The following LRMDA variants were observed in gnomAD, a reference collection of about 807,000 sequenced individuals.
LRMDA encodes leucine-rich melanocyte differentiation-associated protein.
A neutral mutation model predicts 29.8 loss-of-function variants in LRMDA; 18 were observed. The observed-to-expected ratio is 0.60, with a 90% CI of 0.42 to 0.90. The LOEUF (loss-of-function observed/expected upper bound fraction) is 0.90, where lower values mean the gene tolerates loss of function less well. LRMDA is among the 40% of genes least tolerant of loss of function. LRMDA has a pLI of 0.00. For synonymous variants in LRMDA, 125 were observed against 109.4 expected, an observed-to-expected ratio of 1.14 and a Z score of -0.89; for missense variants, 273 against 273.9, an observed-to-expected ratio of 1.00 and a Z score of 0.02.
chr10:75,757,701 A>G (rs888338105), intron 2 of LRMDA, among the ~76,000 whole-genome samples: 6 of 152,194 alleles, frequency 3.9e-5, no homozygotes, highest in African/African-American at 1.4e-4. Context: ...CTGAGACACA[A>G]TAAGTGCTCA....
At chr10:76,345,643 C>G (rs1350657360) in intron 6 of LRMDA, among the ~76,000 whole-genome samples, 1 of 151,736 alleles carries the variant, frequency 6.6e-6, no homozygotes, top group Non-Finnish European at 1.5e-5. Flanking sequence ...GATGGGAAAC[C>G]TAGGCATGGA....
intron 5 of LRMDA, among the ~76,000 whole-genome samples, chr10:76,212,074 G>T (rs550803222): frequency 6.6e-6 from 1 of 152,250 alleles, no homozygotes; most frequent in South Asian, 2.1e-4. Flanking sequence ...CAGCATCACA[G>T]AATCTTATAG....
chr10:75,671,914 GTAAATGGTTTTT>G (rs796647261), intron 2 of LRMDA, among the ~76,000 whole-genome samples: 7 of 152,228 alleles, frequency 4.6e-5, no homozygotes, highest in African/African-American at 1.7e-4. Flanking sequence ...AGTTTAAAAG[GTAAATGGTTTTT>G]TAAACAGGAT....
intron 4 of LRMDA, among the ~76,000 whole-genome samples, chr10:76,049,980 T>C (rs1158830418): frequency 1.3e-5 from 2 of 152,248 alleles, no homozygotes; most frequent in African/African-American, 4.8e-5. Context: ...TAAGCAATAC[T>C]AGGAGCCTTA....
intron 5 of LRMDA, among the ~76,000 whole-genome samples, chr10:76,155,111 C>A (rs1850514419): frequency 1.3e-5 from 2 of 152,132 alleles, no homozygotes; most frequent in African/African-American, 4.8e-5. Context: ...GAACAACCAG[C>A]AGTCTCTGCT....
intron 2 of LRMDA, among the ~76,000 whole-genome samples, chr10:75,544,659 C>T (rs1840055868): frequency 6.6e-6 from 1 of 151,696 alleles, no homozygotes; most frequent in African/African-American, 2.4e-5. Context: ...TAATGTTATT[C>T]TTTTTTTGTG....
intron 6 of LRMDA, among the ~76,000 whole-genome samples, chr10:76,371,062 A>G (rs1334164726): frequency 6.6e-6 from 1 of 152,248 alleles, no homozygotes; most frequent in Non-Finnish European, 1.5e-5. Flanking sequence ...CGCACATTCC[A>G]AGATGAGATG....
At chr10:75,566,955 T>A (rs945851939) in intron 2 of LRMDA, among the ~76,000 whole-genome samples, 1 of 152,206 alleles carries the variant, frequency 6.6e-6, no homozygotes, top group African/African-American at 2.4e-5. Context: ...GTCAGTGACT[T>A]CCCCTTCCCT....
At chr10:76,031,678 C>T (rs534897872) in intron 2 of LRMDA, among the ~76,000 whole-genome samples, 1 of 152,268 alleles carries the variant, frequency 6.6e-6, no homozygotes, top group African/African-American at 2.4e-5. Context: ...TAGTAGACAT[C>T]AGACCCAGGT....
intron 6 of LRMDA, among the ~76,000 whole-genome samples, 164 bp downstream of exon 6, chr10:76,324,649 A>G (rs1040936): frequency 0.15 from 22,505 of 152,144 alleles, 2,889 homozygotes; most frequent in African/African-American, 0.34. Context: ...ATTTTAACCC[A>G]TATTAAACAG....
At chr10:75,984,265 G>A (rs1158807286) in intron 2 of LRMDA, among the ~76,000 whole-genome samples, 1 of 152,222 alleles carries the variant, frequency 6.6e-6, no homozygotes, top group Admixed American at 6.5e-5. Flanking sequence ...GAATTCTTGG[G>A]GATCTGTGCC....
intron 5 of LRMDA, among the ~76,000 whole-genome samples, chr10:76,107,860 A>C (rs1435356055): frequency 6.6e-6 from 1 of 152,144 alleles, no homozygotes; most frequent in African/African-American, 2.4e-5. Flanking sequence ...GCACCCATCA[A>C]CCCATCATCT....
chr10:76,291,797 G>C (rs1397442386), intron 5 of LRMDA, among the ~76,000 whole-genome samples: 2 of 151,702 alleles, frequency 1.3e-5, no homozygotes, highest in African/African-American at 4.8e-5. Flanking sequence ...CTACTTTTTA[G>C]TTTTCTATCT....
chr10:75,501,184 T>G (rs1313071222), intron 2 of LRMDA, among the ~76,000 whole-genome samples: 1 of 152,192 alleles, frequency 6.6e-6, no homozygotes, highest in African/African-American at 2.4e-5. Flanking sequence ...TTCCCACCTA[T>G]TACCCCAGTA....
chr10:76,133,530 G>C lies in LRMDA; in HGVS notation c.516+74747G>C, dbSNP rs116707497. Reference sequence around the variant, plus strand: ...CCGGGTGCAGGTAGGGTCAGCAAACGCCAGACCACTCCCCAATGTGTGGAG... The same window carrying C: ...CCGGGTGCAGGTAGGGTCAGCAAACCCCAGACCACTCCCCAATGTGTGGAG... On this transcript the variant is annotated intron_variant, in intron 5 of 6. Coordinates refer to ENST00000611255, the MANE Select transcript of LRMDA (RefSeq NM_001305581.2). Among the ~76,000 whole-genome samples, 87 of 152,200 alleles carry C rather than the reference G, an allele frequency of 5.7e-4. 1 individual carries two copies. The highest frequency in any genetic ancestry group is 2.1e-3 in the African/African-American group (87 of 41,536).
intron 2 of LRMDA, among the ~76,000 whole-genome samples, chr10:75,694,357 C>A (rs182724230): frequency 6.6e-6 from 1 of 152,292 alleles, no homozygotes; most frequent in East Asian, 1.9e-4. Context: ...TATATGGAGT[C>A]ATTTGTCCTA....
chr10:75,998,755 T>A (rs770872749), intron 2 of LRMDA, among the ~76,000 whole-genome samples: 1 of 152,208 alleles, frequency 6.6e-6, no homozygotes, highest in East Asian at 1.9e-4. Flanking sequence ...TGCCTTACAT[T>A]GTACTTGGAA....
intron 3 of LRMDA, among the ~76,000 whole-genome samples, chr10:76,040,768 C>T (rs1436472486): frequency 3.3e-5 from 5 of 152,216 alleles, no homozygotes; most frequent in Non-Finnish European, 5.9e-5. Flanking sequence ...CCCCCACTTT[C>T]CTTTTGGGGT....
intron 5 of LRMDA, among the ~76,000 whole-genome samples, chr10:76,246,678 CT>C (rs898818121): frequency 1.6e-4 from 25 of 152,210 alleles, no homozygotes; most frequent in Non-Finnish European, 3.5e-4. Flanking sequence ...ATTAGTCCAA[CT>C]GGCATTGCTC....
Sources: gnomAD v4.1 joint callset for allele counts (sites outside exome capture counted in the v4.1 genomes callset) on GRCh38, gnomAD v4.1.1 for gene constraint, MANE v1.5 for transcripts, NCBI Gene and HGNC (gene_info 2026-07-23, HGNC 2026-07-21) for gene names.